Variants in FHIT observed in about 807,000 individuals in gnomAD.
FHIT encodes the protein fragile histidine triad diadenosine triphosphatase.
A neutral mutation model predicts 17.9 loss-of-function variants in FHIT; 19 were observed. That is an observed-to-expected ratio of 1.06 (90% CI 0.74 to 1.56). FHIT has a LOEUF of 1.56. FHIT is among the 40% of genes most tolerant of loss of function. The pLI, the probability that FHIT is intolerant of heterozygous loss-of-function variation, is 0.00. For missense variants in FHIT, 248 were observed against 189.2 expected, an observed-to-expected ratio of 1.31 and a Z score of -1.82; for synonymous variants, 81 against 69.7, an observed-to-expected ratio of 1.16 and a Z score of -0.81.
chr3:60,941,149 C>T (rs1456409308), intron 3 of FHIT, among the ~76,000 whole-genome samples: 2 of 152,164 alleles, frequency 1.3e-5, no homozygotes, highest in Non-Finnish European at 2.9e-5. Context: ...GTATATTCCA[C>T]TTACAGCATG....
At chr3:60,264,243 T>C (rs956666405) in intron 5 of FHIT, among the ~76,000 whole-genome samples, 1 of 151,976 alleles carries the variant, frequency 6.6e-6, no homozygotes, top group African/African-American at 2.4e-5. Flanking sequence ...TGAGCAAACA[T>C]AATACTTCTC....
chr3:60,083,673 G>A (rs546146330), intron 5 of FHIT, among the ~76,000 whole-genome samples: 10 of 152,262 alleles, frequency 6.6e-5, no homozygotes, highest in South Asian at 2.1e-4. Flanking sequence ...TGTCTGGAGA[G>A]TACATATTTT....
intron 3 of FHIT, among the ~76,000 whole-genome samples, chr3:60,927,048 T>C (rs1473911752): frequency 6.6e-6 from 1 of 152,198 alleles, no homozygotes; most frequent in Non-Finnish European, 1.5e-5. Flanking sequence ...TCTCCCTCTG[T>C]TGCCGAGGCT....
chr3:60,084,059 A>C (rs944719743), intron 5 of FHIT, among the ~76,000 whole-genome samples: 2 of 152,204 alleles, frequency 1.3e-5, no homozygotes, highest in African/African-American at 4.8e-5. Context: ...TTTTATAGCA[A>C]TATCACTTTT....
chr3:61,045,591 G>T (rs1397689237), intron 2 of FHIT, among the ~76,000 whole-genome samples: 1 of 152,116 alleles, frequency 6.6e-6, no homozygotes, highest in Non-Finnish European at 1.5e-5. Context: ...AAGGCAGAAA[G>T]TTAACAAGGA....
chr3:60,430,288 C>T (rs1702834482), intron 5 of FHIT, among the ~76,000 whole-genome samples: 1 of 152,090 alleles, frequency 6.6e-6, no homozygotes, highest in African/African-American at 2.4e-5. Context: ...TAGCACTTAA[C>T]ACTGTGTCTA....
At chr3:61,191,179 G>A (rs182426389) in intron 2 of FHIT, among the ~76,000 whole-genome samples, 2 of 152,274 alleles carry the variant, frequency 1.3e-5, no homozygotes, top group Non-Finnish European at 2.9e-5. Context: ...CTGGGCCATG[G>A]GGTGCCCAAA....
At chr3:60,284,384 T>C (rs1229303083) in intron 5 of FHIT, among the ~76,000 whole-genome samples, 1 of 152,096 alleles carries the variant, frequency 6.6e-6, no homozygotes, top group Non-Finnish European at 1.5e-5. Context: ...ACATAGTATG[T>C]GGCAGCAGGA....
At position 59,906,339 on chromosome 3, in the gene FHIT, C is replaced by A. The variant is rs114593965; in HGVS notation, c.348+16007G>T. Among the ~76,000 whole-genome samples, 318 of 152,218 alleles carry A rather than the reference C, an allele frequency of 2.1e-3. 1 individual carries two copies. Among genetic ancestry groups the A allele is most frequent in the African/African-American group, 7.5e-3 (311 of 41,524 alleles). On this transcript the variant is annotated intron_variant, in intron 8 of 9. Coordinates refer to ENST00000492590, the MANE Select transcript of FHIT (RefSeq NM_002012.4). ...CAAGTTGGGGCTTCTTAATGTGGCC[C>A]TTAAAAATCCTAAAATTAAATGCAT...
intron 4 of FHIT, among the ~76,000 whole-genome samples, chr3:60,594,144 G>T (rs1197120193): frequency 6.6e-6 from 1 of 152,094 alleles, no homozygotes. Flanking sequence ...CTGTATAGAA[G>T]TCACTGAAGG....
chr3:60,494,220 C>T (rs1456407218), intron 5 of FHIT, among the ~76,000 whole-genome samples: 1 of 152,166 alleles, frequency 6.6e-6, no homozygotes, highest in African/African-American at 2.4e-5. Flanking sequence ...TCCCCACTAC[C>T]CACTCCTAAC....
intron 4 of FHIT, among the ~76,000 whole-genome samples, chr3:60,550,402 A>C (rs984867226): frequency 1.1e-4 from 17 of 152,200 alleles, no homozygotes; most frequent in Non-Finnish European, 2.4e-4. Flanking sequence ...AGCAAACAAG[A>C]ATACCTGTAA....
chr3:60,540,239 C>T (rs2036142953), intron 4 of FHIT, among the ~76,000 whole-genome samples: 1 of 152,162 alleles, frequency 6.6e-6, no homozygotes, highest in African/African-American at 2.4e-5. Context: ...GCTCTTTCCC[C>T]CATACCTCAC....
At chr3:61,113,871 C>A (rs2036227912) in intron 2 of FHIT, among the ~76,000 whole-genome samples, 1 of 152,166 alleles carries the variant, frequency 6.6e-6, no homozygotes, top group Non-Finnish European at 1.5e-5. Flanking sequence ...AATTCAGACT[C>A]CAAAGCCTGT....
intron 3 of FHIT, among the ~76,000 whole-genome samples, chr3:60,898,006 T>C (rs1358102145): frequency 6.6e-6 from 1 of 152,160 alleles, no homozygotes; most frequent in African/African-American, 2.4e-5. Flanking sequence ...AAATTAAAAC[T>C]ACAGCTAGGC....
chr3:60,030,370 G>A (rs564492318), intron 5 of FHIT, among the ~76,000 whole-genome samples: 1 of 152,180 alleles, frequency 6.6e-6, no homozygotes, highest in Non-Finnish European at 1.5e-5. Flanking sequence ...TGCATTATCT[G>A]CCGCTGGTCC....
At chr3:60,019,098 G>A (rs984829235) in intron 5 of FHIT, among the ~76,000 whole-genome samples, 68 of 152,286 alleles carry the variant, frequency 4.5e-4, no homozygotes, top group African/African-American at 1.5e-3. Context: ...CAGATGGAAG[G>A]TAGGCTGGAG....
At chr3:60,764,690 G>C (rs1459688171) in intron 4 of FHIT, among the ~76,000 whole-genome samples, 1 of 151,586 alleles carries the variant, frequency 6.6e-6, no homozygotes, top group Admixed American at 6.6e-5. Context: ...AAGAGCAAGG[G>C]GGTATTGATT....
intron 3 of FHIT, among the ~76,000 whole-genome samples, chr3:60,831,380 C>A (rs1190164603): frequency 2.0e-5 from 3 of 152,122 alleles, no homozygotes; most frequent in Non-Finnish European, 4.4e-5. Flanking sequence ...TACTTCAGCA[C>A]CAAGGTACAT....
Sources: gnomAD v4.1 joint callset for allele counts (sites outside exome capture counted in the v4.1 genomes callset) on GRCh38, gnomAD v4.1.1 for gene constraint, MANE v1.5 for transcripts, NCBI Gene and HGNC (gene_info 2026-07-23, HGNC 2026-07-21) for gene names.